The following VPS28 variants were observed in gnomAD, a reference collection of about 807,000 sequenced individuals.
The protein encoded by VPS28 is VPS28 subunit of ESCRT-I.
VPS28 carries 29 observed loss-of-function variants against 33.7 expected under a neutral mutation model. That is an observed-to-expected ratio of 0.86 (90% confidence interval 0.64 to 1.17). VPS28 has a LOEUF of 1.17. Ranked by LOEUF, VPS28 falls within the 50% of genes most tolerant of loss-of-function variation. The pLI, the probability that VPS28 is intolerant of heterozygous loss-of-function variation, is 0.00. For synonymous variants in VPS28, 164 were observed against 116.7 expected (o/e 1.40, Z -2.61); for missense variants, 247 against 312.2 (o/e 0.79, Z 1.57).
chr8:144,425,503 C>T, intron 5 of VPS28, 180 bp downstream of exon 5: 2 of 631,898 alleles, frequency 3.2e-6, no homozygotes, highest in Non-Finnish European at 5.5e-6. Flanking sequence ...TGCGCCTCTG[C>T]CCGCCTCCCT....
chr8:144,424,325 G>A lies in VPS28; in HGVS notation c.403-57C>T, dbSNP rs1301463668. ...GTCCACGGGTGCGGGAGGCCCCACGGCTCACGGGCCCCAACCCCTCCTCAG... is the reference window on the plus strand; with the variant it reads ...GTCCACGGGTGCGGGAGGCCCCACGACTCACGGGCCCCAACCCCTCCTCAG... On this transcript the variant is annotated intron_variant, in intron 7 of 9. Coordinates refer to ENST00000292510, the MANE Select transcript of VPS28 (RefSeq NM_016208.4). The A allele has an allele frequency of 3.0e-5, 46 of 1,533,242 alleles. No individual in the cohort carries two copies. The South Asian group carries it at 5.5e-4, about 18-fold the overall frequency. The allele number at this position is 1,533,242 out of a possible 1,614,324, so 95.0% of individuals were successfully genotyped here.
Position 144,427,015 on chromosome 8 carries a change from C to T in VPS28, c.-34-36G>A, listed in dbSNP as rs533868684. 7.2e-5 allele frequency: 111 copies of T among 1,550,482 alleles called. No individual in the cohort carries two copies. The African/African-American group carries it at 1.5e-3, about 20-fold the overall frequency. ...GAGCCAGGGCCGACTCAAAGATGGC[C>T]CCTAAGCCAGGCGCTGGCTCACACC... On this transcript the variant is annotated intron_variant, in intron 1 of 9. Coordinates refer to ENST00000292510, the MANE Select transcript of VPS28 (RefSeq NM_016208.4).
chr8:144,427,092 G>C (rs1822817270), intron 1 of VPS28, 113 bp from the exon 2 acceptor site: 3 of 700,878 alleles, frequency 4.3e-6, no homozygotes, highest in Non-Finnish European at 6.9e-6. Context: ...CTGAGGTCAG[G>C]AGTTTGAGAC....
Position 144,425,787 on chromosome 8 carries a change from G to A in VPS28, c.105-15C>T, listed in dbSNP as rs1554876572. The A allele has an allele frequency of 6.2e-6, 10 of 1,613,650 alleles. No individual in the cohort carries two copies. Among genetic ancestry groups the A allele is most frequent in the Non-Finnish European group, 8.5e-6 (10 of 1,179,844 alleles). ...TGTTGTCGTACCTGAGGACACACCT[G>A]TCTATCGGGCCAGGCCCCGGGGTGC... On this transcript the variant is annotated splice_polypyrimidine_tract_variant and intron_variant, in intron 4 of 9. Coordinates refer to ENST00000292510, the MANE Select transcript of VPS28 (RefSeq NM_016208.4).
At chr8:144,425,882 T>C in intron 4 of VPS28, 110 bp from the exon 5 acceptor site, 1 of 1,546,708 alleles carries the variant, frequency 6.5e-7, no homozygotes. Flanking sequence ...CACCTCTTGC[T>C]CCATCCTGGA....
intron 1 of VPS28, among the ~76,000 whole-genome samples, chr8:144,428,135 G>C (rs1458907739): frequency 2.0e-5 from 3 of 152,170 alleles, no homozygotes; most frequent in African/African-American, 7.2e-5. Flanking sequence ...TCTGGGTCAA[G>C]CTCTCCGAGG....
Position 144,425,057 on chromosome 8 carries a change from G to A in VPS28, c.195-6C>T, listed in dbSNP as rs782432035. 9.7e-6 allele frequency: 15 copies of A among 1,550,924 alleles called. No homozygotes were observed. The highest frequency in any genetic ancestry group is 1.1e-5 in the Non-Finnish European group (13 of 1,146,524). On this transcript the variant is annotated splice_polypyrimidine_tract_variant and splice_region_variant and intron_variant, in intron 5 of 9. Transcript: ENST00000292510. Reference sequence around the variant, plus strand: ...GGGAGCAGGCTGCAGTGTACCTAGGGAGAGGTCAGCTGCTGCCCAAGCATG... The same window carrying A: ...GGGAGCAGGCTGCAGTGTACCTAGGAAGAGGTCAGCTGCTGCCCAAGCATG...
Position 144,424,975 on chromosome 8 carries a change from A to T in VPS28, c.271T>A (p.Ser91Thr). Residue 91 changes from serine to threonine, a missense_variant, in exon 6 of 10, where the codon TCT becomes ACT. Physicochemically the swap from Ser to Thr is moderately conservative, Grantham distance 58. Transcript: ENST00000292510. ...AACTTGCGGCAGAATTCGTCAATAGAGCTGATTTCTGAGCCCTGGACCTGC... is the reference window on the plus strand; with the variant it reads ...AACTTGCGGCAGAATTCGTCAATAGTGCTGATTTCTGAGCCCTGGACCTGC... The part of the protein sequence containing the change: ...FRQVQGSEIS[S>T]IDEFCRKFRL... 2 of 1,564,514 alleles carry T rather than the reference A, an allele frequency of 1.3e-6. No homozygotes were observed. Among genetic ancestry groups the T allele is most frequent in the Non-Finnish European group, 1.7e-6 (2 of 1,153,530 alleles).
In VPS28 at chr8:144,424,952, C is replaced by A; in HGVS notation, c.294G>T (p.Lys98Asn). Residue 98 changes from lysine to asparagine, a missense_variant, in exon 6 of 10, where the codon AAG becomes AAT. Coordinates refer to ENST00000292510, the MANE Select transcript of VPS28 (RefSeq NM_016208.4). ...EISSIDEFCR[K>N]FRLDCPLAME... ...GGAAGGACCAGGCACTCACGCGGAA[C>A]TTGCGGCAGAATTCGTCAATAGAGC... is the stretch of plus-strand genomic sequence containing the variant. The A allele has an allele frequency of 6.3e-7, 1 of 1,578,044 alleles. No homozygotes were observed. The highest frequency in any genetic ancestry group is 2.3e-5 in the East Asian group (1 of 43,114).
At chr8:144,427,623 G>A (rs3735840) in intron 1 of VPS28, among the ~76,000 whole-genome samples, 68,788 of 151,908 alleles carry the variant, frequency 0.45, 16,358 homozygotes, top group Middle Eastern at 0.61. Flanking sequence ...TGAACTTGGA[G>A]GAACCAACAA....
intron 7 of VPS28, 48 bp from the exon 8 acceptor site, chr8:144,424,316 G>T (rs781825091): frequency 1.3e-6 from 2 of 1,540,342 alleles, no homozygotes; most frequent in Non-Finnish European, 1.7e-6. Context: ...GGGTGCGGGA[G>T]GCCCCACGGC....
At position 144,424,954 on chromosome 8, in the gene VPS28, T is replaced by A; in HGVS notation, c.292A>T (p.Lys98Ter). 1 of 1,576,054 alleles carries A rather than the reference T, an allele frequency of 6.3e-7. No homozygotes were observed. Among genetic ancestry groups the A allele is most frequent in the Non-Finnish European group, 8.6e-7 (1 of 1,159,850 alleles). ...EISSIDEFCR[K>*]FRLDCPLAME... ...AAGGACCAGGCACTCACGCGGAACT[T>A]GCGGCAGAATTCGTCAATAGAGCTG... is the stretch of plus-strand genomic sequence containing the variant. The change falls in exon 6 of 10, where the codon AAG becomes TAG. Residue 98 changes from lysine (K) to a stop codon, truncating the protein, a stop_gained. Transcript: ENST00000292510. LOFTEE classifies it high-confidence loss of function.
intron 7 of VPS28, 68 bp downstream of exon 7, chr8:144,424,650 C>A (rs185214209): frequency 6.5e-7 from 1 of 1,537,392 alleles, no homozygotes; most frequent in Non-Finnish European, 8.9e-7. Flanking sequence ...CAGGACCCTA[C>A]GCTCGTGCCC....
chr8:144,427,735 C>T (rs150751229), intron 1 of VPS28, among the ~76,000 whole-genome samples: 5 of 152,344 alleles, frequency 3.3e-5, no homozygotes, highest in Non-Finnish European at 5.9e-5. Flanking sequence ...GGAGCGGGGC[C>T]CGTGGGAGGG....
At chr8:144,427,082 C>A in intron 1 of VPS28, 103 bp from the exon 2 acceptor site, 1 of 812,176 alleles carries the variant, frequency 1.2e-6, no homozygotes, top group Non-Finnish European at 1.9e-6. Flanking sequence ...AGCGGATCAC[C>A]TGAGGTCAGG....
intron 3 of VPS28, 56 bp downstream of exon 3, chr8:144,426,124 G>A (rs1554876686): frequency 6.3e-7 from 1 of 1,579,654 alleles, no homozygotes; most frequent in Non-Finnish European, 8.6e-7. Context: ...CCCTGGTGAG[G>A]CCACACAGGC....
chr8:144,425,953 G>A (rs977197491), intron 4 of VPS28, 73 bp downstream of exon 4: 13 of 1,467,776 alleles, frequency 8.9e-6, no homozygotes, highest in Non-Finnish European at 1.2e-5. Flanking sequence ...GTTTGGGGTG[G>A]GTCTGGAGGG....
chr8:144,424,133 C>A lies in VPS28; in HGVS notation c.457-1G>T. On this transcript the variant is annotated splice_acceptor_variant, in intron 8 of 9. Transcript: ENST00000292510. LOFTEE classifies it high-confidence loss of function. The stretch of plus-strand genomic sequence containing the variant: ...TCAGCTCTCGCAGGTCGGGCTGGAT[C>A]TGAGACACACACAGCGGCTGGGACC... 1 of 1,550,044 alleles carries A rather than the reference C, an allele frequency of 6.5e-7. No individual in the cohort carries two copies. The highest frequency in any genetic ancestry group is 2.3e-5 in the East Asian group (1 of 44,218).
rs1564720923 is a variant in VPS28 at position 144,426,957 on chromosome 8, T to G, written c.-12A>C. 3.7e-6 allele frequency: 6 copies of G among 1,605,754 alleles called. No homozygotes were observed. In the Admixed American group the frequency reaches 6.7e-5, roughly 18 times the overall value. On this transcript the variant is annotated 5_prime_UTR_variant, in exon 2 of 10. Transcript: ENST00000292510. Reference sequence around the variant, plus strand: ...ATCCCATGAAACATCCTCTAGGCTCTGGGGGGGGCACAGCACTGAGACCTG... The same window carrying G: ...ATCCCATGAAACATCCTCTAGGCTCGGGGGGGGGCACAGCACTGAGACCTG...
Sources: gnomAD v4.1 joint callset for allele counts (sites outside exome capture counted in the v4.1 genomes callset) on GRCh38, gnomAD v4.1.1 for gene constraint, MANE v1.5 for transcripts, NCBI Gene and HGNC (gene_info 2026-07-23, HGNC 2026-07-21) for gene names.